The following EFCAB5 variants were observed in gnomAD, a reference collection of about 807,000 sequenced individuals.
EFCAB5 encodes EF-hand calcium binding domain 5.
Under a neutral mutation model 167.9 loss-of-function variants are expected in EFCAB5, and 131 were observed. The observed-to-expected ratio is 0.78, with a 90% CI of 0.68 to 0.90. The LOEUF is 0.90. Ranked by LOEUF, EFCAB5 falls within the 40% of genes least tolerant of loss-of-function variation. EFCAB5 has a pLI of 0.00. For missense variants in EFCAB5, 1,663 were observed against 1,745.2 expected (o/e 0.95, Z 0.84); for synonymous variants, 574 against 602.8 (o/e 0.95, Z 0.70).
rs9900546 is a variant in EFCAB5, at chr17:30,053,637, G to T, written c.1683G>T (p.Arg561Ser). The T allele has an allele frequency of 0.041, 65,680 of 1,613,742 alleles. 3,773 individuals are homozygous for T. The highest frequency in any genetic ancestry group is 0.28 in the African/African-American group (21,088 of 74,930). ...CTCTAGAACAAGGGTCAAGTAGAAGGTTACTGACAGAACAAGAAACACACA... is the reference window on the plus strand; with the variant it reads ...CTCTAGAACAAGGGTCAAGTAGAAGTTTACTGACAGAACAAGAAACACACA... Reference protein sequence around the residue: ...ESTLEQGSSRRLLTEQETHRE... With the variant: ...ESTLEQGSSRSLLTEQETHRE... The change falls in exon 10 of 23, where the codon AGG becomes AGT. Residue 561 changes from arginine (R) to serine (S), a missense_variant. By Grantham distance (110) the Arg-to-Ser change is moderately radical. Coordinates refer to ENST00000394835, the MANE Select transcript of EFCAB5 (RefSeq NM_198529.4).
At chr17:30,090,343 T>A in intron 19 of EFCAB5, 78 bp from the exon 20 acceptor site, 1 of 1,531,302 alleles carries the variant, frequency 6.5e-7, no homozygotes, top group Non-Finnish European at 8.8e-7. Flanking sequence ...CACAAGAGAG[T>A]AATTCAATAT....
chr17:30,036,013 C>T (rs1472036992), intron 8 of EFCAB5, among the ~76,000 whole-genome samples: 1 of 147,866 alleles, frequency 6.8e-6, no homozygotes, highest in Non-Finnish European at 1.5e-5. Context: ...GTCTTATACA[C>T]ACACATGCAT....
intron 14 of EFCAB5, chr17:30,068,779 A>C: frequency 2.2e-6 from 3 of 1,348,080 alleles, no homozygotes; most frequent in South Asian, 2.3e-5. Flanking sequence ...CAACTTCTCC[A>C]GCCGGGCCCG....
At chr17:30,066,591 T>A (rs919362696) in intron 14 of EFCAB5, among the ~76,000 whole-genome samples, 1 of 151,832 alleles carries the variant, frequency 6.6e-6, no homozygotes, top group African/African-American at 2.4e-5. Flanking sequence ...ATAAACGATC[T>A]AACAATGCAT....
At chr17:30,032,547 A>G (rs913395198) in intron 7 of EFCAB5, among the ~76,000 whole-genome samples, 2 of 152,222 alleles carry the variant, frequency 1.3e-5, no homozygotes, top group African/African-American at 4.8e-5. Flanking sequence ...ATCAGGAGAA[A>G]GGAAACATTA....
chr17:30,095,166 C>T (rs2071271425), intron 22 of EFCAB5, among the ~76,000 whole-genome samples: 1 of 152,122 alleles, frequency 6.6e-6, no homozygotes, highest in South Asian at 2.1e-4. Flanking sequence ...AAGAGCTGTC[C>T]CCTATTGCAA....
chr17:30,053,171 T>C, intron 9 of EFCAB5, 84 bp from the exon 10 acceptor site: 2 of 1,456,214 alleles, frequency 1.4e-6, no homozygotes, highest in East Asian at 4.6e-5. Context: ...CTGTGCTCAA[T>C]GCTTTTCTTT....
At chr17:29,951,518 T>TA (rs1263914821) in intron 3 of EFCAB5, among the ~76,000 whole-genome samples, 1 of 148,846 alleles carries the variant, frequency 6.7e-6, no homozygotes, top group African/African-American at 2.5e-5. Flanking sequence ...TTTGTATTTT[T>TA]TTTTTTATTT....
chr17:29,990,737 G>A (rs2068397387), intron 4 of EFCAB5, among the ~76,000 whole-genome samples: 1 of 152,102 alleles, frequency 6.6e-6, no homozygotes, highest in Non-Finnish European at 1.5e-5. Context: ...TGATCTGGTG[G>A]GTGTATCCTA....
intron 8 of EFCAB5, among the ~76,000 whole-genome samples, chr17:30,036,507 A>G (rs2069634589): frequency 6.6e-6 from 1 of 151,180 alleles, no homozygotes; most frequent in South Asian, 2.1e-4. Flanking sequence ...ATACCTCACT[A>G]CAGCCTCTAC....
At chr17:30,090,359 G>A (rs1361876822) in intron 19 of EFCAB5, 62 bp from the exon 20 acceptor site, 3 of 1,565,556 alleles carry the variant, frequency 1.9e-6, no homozygotes, top group Admixed American at 1.9e-5. Flanking sequence ...AATATGTTTT[G>A]GTGGAATGAT....
chr17:30,090,358 T>A, intron 19 of EFCAB5, 63 bp from the exon 20 acceptor site: 1 of 1,559,092 alleles, frequency 6.4e-7, no homozygotes, highest in South Asian at 1.2e-5. Flanking sequence ...CAATATGTTT[T>A]GGTGGAATGA....
intron 3 of EFCAB5, among the ~76,000 whole-genome samples, chr17:29,957,249 C>T (rs1186232524): frequency 1.3e-5 from 2 of 152,104 alleles, no homozygotes; most frequent in Non-Finnish European, 2.9e-5. Context: ...TGATGTGTCA[C>T]AGTGATTAAC....
chr17:30,059,844 C>T (rs909768793), intron 14 of EFCAB5, 143 bp downstream of exon 14: 2 of 571,176 alleles, frequency 3.5e-6, no homozygotes, highest in Non-Finnish European at 5.2e-6. Context: ...ATACATTTAT[C>T]TTATTTATTT....
chr17:29,963,540 A>G (rs905514530), intron 3 of EFCAB5, among the ~76,000 whole-genome samples: 6 of 152,228 alleles, frequency 3.9e-5, no homozygotes, highest in African/African-American at 1.4e-4. Flanking sequence ...CTTTAGTATC[A>G]GAGTAATTCT....
At chr17:29,956,836 G>A (rs771242962) in intron 3 of EFCAB5, among the ~76,000 whole-genome samples, 1 of 151,698 alleles carries the variant, frequency 6.6e-6, no homozygotes, top group East Asian at 1.9e-4. Context: ...GGGGAGGGAG[G>A]GAGAGAGAGA....
At chr17:30,042,563 G>C (rs1410304129) in intron 8 of EFCAB5, among the ~76,000 whole-genome samples, 1 of 151,996 alleles carries the variant, frequency 6.6e-6, no homozygotes, top group Non-Finnish European at 1.5e-5. Flanking sequence ...TTCCTTAAAA[G>C]ACACAAATTA....
intron 14 of EFCAB5, among the ~76,000 whole-genome samples, chr17:30,064,846 C>G (rs1458027815): frequency 6.6e-6 from 1 of 152,116 alleles, no homozygotes; most frequent in African/African-American, 2.4e-5. Flanking sequence ...AGTGGAGTCC[C>G]CATTAGAATA....
intron 7 of EFCAB5, among the ~76,000 whole-genome samples, chr17:30,001,324 A>T (rs1357974588): frequency 6.6e-6 from 1 of 152,248 alleles, no homozygotes; most frequent in Admixed American, 6.5e-5. Context: ...AAATGATAGT[A>T]TTAAAATTGT....
Sources: gnomAD v4.1 joint callset for allele counts (sites outside exome capture counted in the v4.1 genomes callset) on GRCh38, gnomAD v4.1.1 for gene constraint, MANE v1.5 for transcripts, NCBI Gene and HGNC (gene_info 2026-07-23, HGNC 2026-07-21) for gene names.